Variants in KCTD8 observed in about 807,000 individuals in gnomAD.
The protein encoded by KCTD8 is BTB/POZ domain-containing protein KCTD8.
A neutral mutation model predicts 31.5 loss-of-function variants in KCTD8; 27 were observed. The observed-to-expected ratio is 0.86, with a 90% CI of 0.63 to 1.18. KCTD8 has a LOEUF of 1.18. Among genes scored for constraint, KCTD8 ranks in the 50% most tolerant of loss-of-function variants. The pLI, the probability that KCTD8 is intolerant of heterozygous loss-of-function variation, is 0.00. For missense variants in KCTD8, 658 were observed against 647.7 expected, an observed-to-expected ratio of 1.02 and a Z score of -0.17; for synonymous variants, 290 against 280.0, an observed-to-expected ratio of 1.04 and a Z score of -0.36.
chr4:44,309,715 G>A (rs1330862854), intron 1 of KCTD8, among the ~76,000 whole-genome samples: 1 of 152,008 alleles, frequency 6.6e-6, no homozygotes, highest in Non-Finnish European at 1.5e-5. Flanking sequence ...TGCAGATATT[G>A]ACTTGCCATT....
At chr4:44,281,228 C>T (rs533480336) in intron 1 of KCTD8, among the ~76,000 whole-genome samples, 6 of 152,102 alleles carry the variant, frequency 3.9e-5, no homozygotes, top group Admixed American at 3.9e-4. Context: ...TTATCTGTAC[C>T]CAACTAAAAT....
intron 1 of KCTD8, among the ~76,000 whole-genome samples, chr4:44,421,845 A>C: frequency 6.6e-6 from 1 of 152,084 alleles, no homozygotes; most frequent in East Asian, 1.9e-4. Context: ...CAGAATTTTT[A>C]TGGAAAAAAA....
intron 1 of KCTD8, among the ~76,000 whole-genome samples, chr4:44,242,196 ATTATT>A (rs1337190032): frequency 1.3e-5 from 2 of 152,220 alleles, no homozygotes; most frequent in Non-Finnish European, 2.9e-5. Flanking sequence ...ACTGTATTAT[ATTATT>A]TAATTCTCAC....
intron 1 of KCTD8, among the ~76,000 whole-genome samples, chr4:44,365,956 A>G (rs1719621118): frequency 1.3e-5 from 2 of 151,034 alleles, no homozygotes; most frequent in African/African-American, 4.8e-5. Flanking sequence ...GCTGCTATAC[A>G]TCACTTTGAC....
At chr4:44,332,746 A>G (rs1463899502) in intron 1 of KCTD8, among the ~76,000 whole-genome samples, 3 of 152,028 alleles carry the variant, frequency 2.0e-5, no homozygotes, top group African/African-American at 7.2e-5. Context: ...AGACAAATCC[A>G]TCATACAAAT....
At chr4:44,403,426 T>C (rs1213821810) in intron 1 of KCTD8, among the ~76,000 whole-genome samples, 1 of 28,588 alleles carries the variant, frequency 3.5e-5, no homozygotes, top group Non-Finnish European at 1.4e-4. Flanking sequence ...AGGGCTACCA[T>C]TAAAAAAAAA....
intron 1 of KCTD8, among the ~76,000 whole-genome samples, chr4:44,395,732 T>G (rs1560444420): frequency 6.6e-6 from 1 of 152,072 alleles, no homozygotes; most frequent in Non-Finnish European, 1.5e-5. Context: ...TTCTGACTGG[T>G]CCTTGAATTT....
At chr4:44,265,971 A>T (rs1401327327) in intron 1 of KCTD8, among the ~76,000 whole-genome samples, 1 of 152,216 alleles carries the variant, frequency 6.6e-6, no homozygotes, top group African/African-American at 2.4e-5. Flanking sequence ...AACACTCTGC[A>T]GGATATTATC....
At chr4:44,191,867 ATGGGATCTT>A in intron 1 of KCTD8, among the ~76,000 whole-genome samples, 1 of 152,312 alleles carries the variant, frequency 6.6e-6, no homozygotes, top group South Asian at 2.1e-4. Context: ...TCTCAAAAGC[ATGGGATCTT>A]TGTTCTCCCT....
chr4:44,332,931 C>T (rs1718628200), intron 1 of KCTD8, among the ~76,000 whole-genome samples: 1 of 152,032 alleles, frequency 6.6e-6, no homozygotes, highest in African/African-American at 2.4e-5. Flanking sequence ...CAAATGTCTC[C>T]TCAAAGGGCA....
At chr4:44,408,664 C>T (rs1161070117) in intron 1 of KCTD8, among the ~76,000 whole-genome samples, 2 of 152,038 alleles carry the variant, frequency 1.3e-5, no homozygotes, top group African/African-American at 4.8e-5. Flanking sequence ...CTGTTGCCAG[C>T]CTGGAGTGGA....
chr4:44,403,889 T>C (rs985785370), intron 1 of KCTD8, among the ~76,000 whole-genome samples: 15 of 152,104 alleles, frequency 9.9e-5, no homozygotes, highest in Admixed American at 2.6e-4. Flanking sequence ...AAAATGTTTT[T>C]ACAGTGTTTG....
intron 1 of KCTD8, among the ~76,000 whole-genome samples, chr4:44,323,966 C>T (rs975861646): frequency 7.3e-5 from 11 of 150,698 alleles, no homozygotes; most frequent in African/African-American, 2.0e-4. Flanking sequence ...GTGGGTGCAG[C>T]GCACCAGCAT....
chr4:44,394,346 T>C (rs1442554026), intron 1 of KCTD8, among the ~76,000 whole-genome samples: 2 of 151,996 alleles, frequency 1.3e-5, no homozygotes, highest in South Asian at 2.1e-4. Context: ...TGAGTACATA[T>C]CTTCTTTGAG....
chr4:44,388,708 G>A (rs929875216), intron 1 of KCTD8, among the ~76,000 whole-genome samples: 2 of 151,692 alleles, frequency 1.3e-5, no homozygotes, highest in African/African-American at 2.4e-5. Context: ...TCAGAGGGTG[G>A]AGGGTGGGAG....
chr4:44,260,527 G>C (rs893390108), intron 1 of KCTD8, among the ~76,000 whole-genome samples: 1 of 151,870 alleles, frequency 6.6e-6, no homozygotes, highest in African/African-American at 2.4e-5. Flanking sequence ...CTTAAGATAG[G>C]GTGGTCACAG....
chr4:44,324,238 G>A (rs958282367), intron 1 of KCTD8, among the ~76,000 whole-genome samples: 1 of 151,872 alleles, frequency 6.6e-6, no homozygotes, highest in South Asian at 2.1e-4. Flanking sequence ...TAAATATTCA[G>A]GTTGTTGACA....
chr4:44,338,322 A>G (rs1201958510), intron 1 of KCTD8, among the ~76,000 whole-genome samples: 1 of 152,210 alleles, frequency 6.6e-6, no homozygotes, highest in African/African-American at 2.4e-5. Flanking sequence ...TGTAAAATCC[A>G]TAATCCAGGA....
At chr4:44,186,413 T>G (rs1253665195) in intron 1 of KCTD8, among the ~76,000 whole-genome samples, 1 of 152,204 alleles carries the variant, frequency 6.6e-6, no homozygotes, top group Non-Finnish European at 1.5e-5. Context: ...CAAGCCCACA[T>G]GTAACCCAAT....
Sources: allele counts gnomAD v4.1 joint callset (sites outside exome capture counted in the v4.1 genomes callset), GRCh38; gene constraint gnomAD v4.1.1; transcripts MANE v1.5; gene names NCBI Gene and HGNC (gene_info 2026-07-23, HGNC 2026-07-21).